Variants in DIP2C observed in about 807,000 individuals in gnomAD.
The protein encoded by DIP2C is DIP2 acetate--CoA ligase C (putative).
Under a neutral mutation model 192.4 loss-of-function variants are expected in DIP2C, and 33 were observed. That is an observed-to-expected ratio of 0.17 (90% CI 0.13 to 0.23). The LOEUF is 0.23. Among genes scored for constraint, DIP2C ranks in the 10% least tolerant of loss-of-function variants. The pLI, the probability that DIP2C is intolerant of heterozygous loss-of-function variation, is 1.00. For missense variants in DIP2C, 1,537 were observed against 2,110.1 expected, an observed-to-expected ratio of 0.73 and a Z score of 5.32; for synonymous variants, 979 against 864.1, an observed-to-expected ratio of 1.13 and a Z score of -2.33.
chr10:588,630 C>G (rs1433376433), intron 1 of DIP2C, among the ~76,000 whole-genome samples: 2 of 152,212 alleles, frequency 1.3e-5, no homozygotes, highest in Non-Finnish European at 1.5e-5. Context: ...GGCTCGTGGA[C>G]CCAAAGCTTG....
intron 1 of DIP2C, among the ~76,000 whole-genome samples, chr10:621,900 G>A (rs1242014309): frequency 6.6e-6 from 1 of 152,098 alleles, no homozygotes. Flanking sequence ...AGAATCTACT[G>A]TGAAGGTCTA....
intron 1 of DIP2C, among the ~76,000 whole-genome samples, chr10:572,897 G>A (rs988756299): frequency 1.4e-4 from 21 of 152,186 alleles, no homozygotes; most frequent in African/African-American, 5.1e-4. Flanking sequence ...TAAACAGGCA[G>A]CCGGAAGATT....
At chr10:286,175 G>T in intron 34 of DIP2C, 98 bp downstream of exon 34, 1 of 1,112,302 alleles carries the variant, frequency 9.0e-7, no homozygotes, top group Non-Finnish European at 1.4e-6. Context: ...ACCGGTGTGT[G>T]GCAGATGGAG....
intron 13 of DIP2C, among the ~76,000 whole-genome samples, chr10:388,685 C>A (rs760036728): frequency 2.6e-5 from 4 of 152,176 alleles, no homozygotes; most frequent in Non-Finnish European, 5.9e-5. Context: ...AGAATACCCA[C>A]GAGACACACA....
intron 6 of DIP2C, among the ~76,000 whole-genome samples, chr10:418,510 C>T (rs537536331): frequency 6.3e-4 from 96 of 152,336 alleles, no homozygotes; most frequent in African/African-American, 2.2e-3. Context: ...GGCTGAGTGA[C>T]ACGAACAGCC....
intron 2 of DIP2C, among the ~76,000 whole-genome samples, chr10:481,093 TCAC>T (rs1025140642): frequency 4.0e-5 from 6 of 151,664 alleles, no homozygotes; most frequent in African/African-American, 1.5e-4. Flanking sequence ...TGCCTTGGGG[TCAC>T]CAGACTGTAA....
chr10:329,671 C>CA, intron 29 of DIP2C, 70 bp from the exon 30 acceptor site: 1 of 1,520,588 alleles, frequency 6.6e-7, no homozygotes, highest in Non-Finnish European at 8.9e-7. Context: ...CTGGAGGGCT[C>CA]AGGGCAGCAC....
chr10:640,592 C>T (rs773099978), intron 1 of DIP2C, among the ~76,000 whole-genome samples: 3 of 151,862 alleles, frequency 2.0e-5, no homozygotes, highest in Admixed American at 6.6e-5. Flanking sequence ...GACGAGGGTG[C>T]GTGCCGGGAC....
intron 31 of DIP2C, among the ~76,000 whole-genome samples, chr10:315,902 T>TTCAA (rs1323625475): frequency 1.3e-5 from 2 of 152,204 alleles, no homozygotes; most frequent in Non-Finnish European, 2.9e-5. Flanking sequence ...TTGGTCAGAC[T>TTCAA]TCAAGTTCAT....
chr10:465,799 G>C (rs1428159836), intron 3 of DIP2C, among the ~76,000 whole-genome samples: 24 of 151,456 alleles, frequency 1.6e-4, no homozygotes, highest in Admixed American at 1.3e-4. Context: ...TTGCTTCAAA[G>C]AGAATAAAAT....
At chr10:639,298 G>A (rs1401968040) in intron 1 of DIP2C, among the ~76,000 whole-genome samples, 9 of 142,450 alleles carry the variant, frequency 6.3e-5, no homozygotes, top group African/African-American at 2.1e-4. Context: ...GCGTCAGGTC[G>A]GGAGGGTGCT....
intron 1 of DIP2C, among the ~76,000 whole-genome samples, chr10:646,242 G>A (rs1054498742): frequency 6.6e-6 from 1 of 152,150 alleles, no homozygotes; most frequent in Non-Finnish European, 1.5e-5. Flanking sequence ...CTGTTTCCAG[G>A]AGCGACTCAC....
At chr10:508,240 G>C (rs1327128141) in intron 1 of DIP2C, among the ~76,000 whole-genome samples, 2 of 152,056 alleles carry the variant, frequency 1.3e-5, no homozygotes, top group Non-Finnish European at 2.9e-5. Flanking sequence ...TCTTACCCAT[G>C]TCAGGCTCCA....
chr10:566,220 G>T (rs1486238163), intron 1 of DIP2C, among the ~76,000 whole-genome samples: 1 of 152,032 alleles, frequency 6.6e-6, no homozygotes, highest in Non-Finnish European at 1.5e-5. Flanking sequence ...ACCATTAAGA[G>T]TGTCTGAAGA....
chr10:468,899 A>C (rs1272603969), intron 3 of DIP2C, among the ~76,000 whole-genome samples: 3 of 152,250 alleles, frequency 2.0e-5, no homozygotes, highest in African/African-American at 4.8e-5. Flanking sequence ...CTAATCGTTC[A>C]TAGTATCTTC....
intron 1 of DIP2C, among the ~76,000 whole-genome samples, chr10:623,831 T>A (rs1318863017): frequency 6.6e-6 from 1 of 152,026 alleles, no homozygotes; most frequent in African/African-American, 2.4e-5. Context: ...GCCCCTTGCA[T>A]CCATGCCCCT....
At chr10:474,278 C>T (rs753429589) in intron 2 of DIP2C, among the ~76,000 whole-genome samples, 14 of 152,304 alleles carry the variant, frequency 9.2e-5, no homozygotes, top group Admixed American at 2.0e-4. Context: ...TCAACATCAG[C>T]GTCCGCAGTG....
chr10:432,271 A>T (rs1204158213), intron 4 of DIP2C, among the ~76,000 whole-genome samples: 4 of 152,178 alleles, frequency 2.6e-5, no homozygotes, highest in Admixed American at 2.0e-4. Context: ...GAATTGGCAT[A>T]ATTTCTTTTA....
chr10:577,230 G>A (rs1850223725), intron 1 of DIP2C, among the ~76,000 whole-genome samples: 2 of 152,168 alleles, frequency 1.3e-5, no homozygotes, highest in Non-Finnish European at 2.9e-5. Flanking sequence ...GGTACAAGAA[G>A]AATGACCTCC....
Sources: allele counts gnomAD v4.1 joint callset (sites outside exome capture counted in the v4.1 genomes callset), GRCh38; gene constraint gnomAD v4.1.1; transcripts MANE v1.5; gene names NCBI Gene and HGNC (gene_info 2026-07-23, HGNC 2026-07-21).